INPP4B: variants seen among roughly 807,000 people sequenced by gnomAD.
The protein encoded by INPP4B is inositol polyphosphate-4-phosphatase type II B.
A neutral mutation model predicts 122.5 loss-of-function variants in INPP4B; 55 were observed. That is an observed-to-expected ratio of 0.45 (90% CI 0.36 to 0.56). The LOEUF is 0.56. INPP4B is among the 20% of genes least tolerant of loss of function. The pLI, the probability that INPP4B is intolerant of heterozygous loss-of-function variation, is 0.00. For missense variants in INPP4B, 1,000 were observed against 1,097.7 expected, an observed-to-expected ratio of 0.91 and a Z score of 1.26; for synonymous variants, 403 against 388.7, an observed-to-expected ratio of 1.04 and a Z score of -0.43.
At position 142,048,701 on chromosome 4, in the gene INPP4B, C is replaced by T. The variant is rs530548116; in HGVS notation, c.2643-19787G>A. ...AGATGAGGTGGGCAACCAGCAGAGG[C>T]AAAAGCAGCTTGAGAGCTGGTTAAA... On this transcript the variant is annotated intron_variant, in intron 25 of 25. Coordinates refer to ENST00000262992, the MANE Select transcript of INPP4B (RefSeq NM_001101669.3). 4.6e-5 allele frequency among the ~76,000 whole-genome samples: 7 copies of T among 151,928 alleles called. No individual in the cohort carries two copies. In the South Asian group the frequency reaches 1.5e-3, roughly 32 times the overall value.
intron 16 of INPP4B, among the ~76,000 whole-genome samples, chr4:142,169,508 G>C (rs1368562724): frequency 6.6e-6 from 1 of 151,610 alleles, no homozygotes; most frequent in Non-Finnish European, 1.5e-5. Flanking sequence ...CACACTAGCT[G>C]CCTGGCATTG....
chr4:142,790,791 T>C (rs1170204721), intron 1 of INPP4B, among the ~76,000 whole-genome samples: 1 of 152,120 alleles, frequency 6.6e-6, no homozygotes, highest in Non-Finnish European at 1.5e-5. Context: ...GGTCCTTTTT[T>C]TCTTATATTA....
At chr4:142,643,625 A>G (rs192913675) in intron 2 of INPP4B, among the ~76,000 whole-genome samples, 37 of 152,296 alleles carry the variant, frequency 2.4e-4, no homozygotes, top group African/African-American at 8.4e-4. Context: ...ATAACTCTGT[A>G]ACAGCTCCTT....
At chr4:142,676,099 C>T (rs2150658770) in intron 2 of INPP4B, among the ~76,000 whole-genome samples, 1 of 152,276 alleles carries the variant, frequency 6.6e-6, no homozygotes, top group Non-Finnish European at 1.5e-5. Flanking sequence ...TATAAAACCC[C>T]ATTGTCTCAG....
At chr4:142,673,296 C>A (rs1757259224) in intron 2 of INPP4B, among the ~76,000 whole-genome samples, 4 of 151,856 alleles carry the variant, frequency 2.6e-5, no homozygotes, top group African/African-American at 9.7e-5. Context: ...TGCATTGAAT[C>A]TATTTTCATT....
chr4:142,721,672 T>C (rs1418743657), intron 2 of INPP4B, among the ~76,000 whole-genome samples: 1 of 151,992 alleles, frequency 6.6e-6, no homozygotes, highest in Non-Finnish European at 1.5e-5. Context: ...AATACAAAAA[T>C]TAGCCGGGCG....
At chr4:142,352,434 T>C (rs1456413461) in intron 7 of INPP4B, among the ~76,000 whole-genome samples, 2 of 151,846 alleles carry the variant, frequency 1.3e-5, no homozygotes, top group Admixed American at 1.3e-4. Flanking sequence ...ATATCTGTAG[T>C]ACCTATCATA....
intron 5 of INPP4B, among the ~76,000 whole-genome samples, chr4:142,422,632 C>T (rs576980173): frequency 6.6e-6 from 1 of 152,010 alleles, no homozygotes; most frequent in East Asian, 1.9e-4. Flanking sequence ...TAGTGAGAAC[C>T]CCCTCTCTAC....
At chr4:142,364,220 T>C (rs553007933) in intron 7 of INPP4B, among the ~76,000 whole-genome samples, 2 of 152,152 alleles carry the variant, frequency 1.3e-5, no homozygotes, top group African/African-American at 4.8e-5. Context: ...CCCCATATTC[T>C]AAAGAGAACT....
At position 142,260,459 on chromosome 4, in the gene INPP4B, A is replaced by G. The variant is rs1255959875; in HGVS notation, c.688+33T>C. On this transcript the variant is annotated intron_variant, in intron 11 of 25. Transcript: ENST00000262992. ...ACATAAAATTAAAATTCATTTTTGC[A>G]TGAAACTAAGTATTTAAAACTGAGT... The G allele has an allele frequency of 1.2e-5, 15 of 1,273,032 alleles. No homozygotes were observed. In the Admixed American group the frequency reaches 2.5e-4, roughly 21 times the overall value. 78.9% of individuals were successfully genotyped at this position (1,273,032 alleles called of 1,614,324 possible).
chr4:142,137,091 A>C (rs931845094), intron 18 of INPP4B, among the ~76,000 whole-genome samples: 2 of 152,224 alleles, frequency 1.3e-5, no homozygotes, highest in African/African-American at 4.8e-5. Flanking sequence ...ATCCTAAGCC[A>C]AAAGAACAAA....
intron 7 of INPP4B, among the ~76,000 whole-genome samples, chr4:142,330,602 A>G (rs1170838612): frequency 6.6e-6 from 1 of 152,216 alleles, no homozygotes; most frequent in East Asian, 1.9e-4. Context: ...CCATTAAATG[A>G]TAACTCTTCA....
intron 1 of INPP4B, among the ~76,000 whole-genome samples, chr4:142,735,599 T>A (rs764790514): frequency 6.6e-6 from 1 of 152,268 alleles, no homozygotes; most frequent in East Asian, 1.9e-4. Flanking sequence ...AAAGTAAGAT[T>A]TGAAGGCAGG....
intron 3 of INPP4B, among the ~76,000 whole-genome samples, chr4:142,460,972 G>T (rs1279122414): frequency 6.6e-6 from 1 of 152,004 alleles, no homozygotes; most frequent in Non-Finnish European, 1.5e-5. Context: ...TGAGCTCAGG[G>T]GTTCAAGACG....
intron 2 of INPP4B, among the ~76,000 whole-genome samples, chr4:142,513,359 G>A (rs1177938737): frequency 2.0e-5 from 3 of 151,960 alleles, no homozygotes; most frequent in Non-Finnish European, 2.9e-5. Flanking sequence ...CTGGTAAACT[G>A]TGGCTGTGTC....
chr4:142,668,893 CA>C (rs1037665372), intron 2 of INPP4B, among the ~76,000 whole-genome samples: 168 of 137,392 alleles, frequency 1.2e-3, no homozygotes, highest in Middle Eastern at 7.4e-3. Context: ...CTAGAAAATA[CA>C]AAAAAAAAAA....
chr4:142,597,404 T>A (rs1321543656), intron 2 of INPP4B, among the ~76,000 whole-genome samples: 1 of 152,206 alleles, frequency 6.6e-6, no homozygotes, highest in Non-Finnish European at 1.5e-5. Flanking sequence ...AAATTGTCTA[T>A]GCTTTTCAGA....
chr4:142,644,072 G>T (rs1483482087), intron 2 of INPP4B, among the ~76,000 whole-genome samples: 1 of 151,934 alleles, frequency 6.6e-6, no homozygotes. Context: ...GTGGTGGCAG[G>T]TGCCTATAGT....
intron 1 of INPP4B, among the ~76,000 whole-genome samples, chr4:142,775,418 C>G (rs1249436406): frequency 6.6e-6 from 1 of 152,118 alleles, no homozygotes; most frequent in Non-Finnish European, 1.5e-5. Context: ...CTTATTAAAT[C>G]ATTTATTATA....
Sources: allele counts gnomAD v4.1 joint callset (sites outside exome capture counted in the v4.1 genomes callset), GRCh38; gene constraint gnomAD v4.1.1; transcripts MANE v1.5; gene names NCBI Gene and HGNC (gene_info 2026-07-23, HGNC 2026-07-21).